DUSP13B: variants seen among roughly 807,000 people sequenced by gnomAD.
The protein encoded by DUSP13B is dual specificity phosphatase 13B.
At chr10:75,107,963 G>T in the DUSP13B span, 1 of 1,589,798 alleles carries the variant, frequency 6.3e-7, no homozygotes, top group East Asian at 2.3e-5. Flanking sequence ...TGAGCAAGAT[G>T]GGATATGGGC....
At chr10:75,101,893 G>C in the DUSP13B span, 1 of 1,367,240 alleles carries the variant, frequency 7.3e-7, no homozygotes, top group Non-Finnish European at 9.8e-7. Flanking sequence ...CCCAGGCTGT[G>C]CACTTCTCTG....
chr10:75,103,246 AC>A, the DUSP13B span, among the ~76,000 whole-genome samples: 1 of 152,212 alleles, frequency 6.6e-6, no homozygotes, highest in Non-Finnish European at 1.5e-5. Flanking sequence ...CAACAGCAGG[AC>A]CCAGGTCCGG....
the DUSP13B span, chr10:75,099,221 G>A: frequency 1.6e-6 from 2 of 1,232,238 alleles, no homozygotes; most frequent in Non-Finnish European, 2.0e-6. Flanking sequence ...CTGGACCAGT[G>A]ACTAGGGAAG....
the DUSP13B span, chr10:75,108,250 T>C: frequency 6.4e-7 from 1 of 1,560,552 alleles, no homozygotes; most frequent in Non-Finnish European, 8.7e-7. Context: ...GGCCAAGCCA[T>C]GGGACCAGGA....
chr10:75,107,328 C>T, the DUSP13B span, among the ~76,000 whole-genome samples: 2 of 149,130 alleles, frequency 1.3e-5, no homozygotes, highest in Non-Finnish European at 3.0e-5. Context: ...GCTTGGGTAG[C>T]ACTGAGACTC....
At chr10:75,107,064 G>A in the DUSP13B span, among the ~76,000 whole-genome samples, 2 of 152,136 alleles carry the variant, frequency 1.3e-5, no homozygotes, top group East Asian at 1.9e-4. Flanking sequence ...GGCCGGGTGC[G>A]GTGGCTCATG....
At chr10:75,096,021 G>A in the DUSP13B span, among the ~76,000 whole-genome samples, 2 of 152,232 alleles carry the variant, frequency 1.3e-5, no homozygotes, top group South Asian at 2.1e-4. Flanking sequence ...TTGGGAGACC[G>A]AGGTGGGCAG....
At chr10:75,106,891 C>T in the DUSP13B span, among the ~76,000 whole-genome samples, 1 of 152,230 alleles carries the variant, frequency 6.6e-6, no homozygotes, top group Admixed American at 6.5e-5. Flanking sequence ...GATGAGGAAA[C>T]TGAAGTCCAG....
At chr10:75,105,104 G>T in the DUSP13B span, among the ~76,000 whole-genome samples, 1 of 152,138 alleles carries the variant, frequency 6.6e-6, no homozygotes, top group Non-Finnish European at 1.5e-5. Flanking sequence ...GGCCCTGCTG[G>T]GTGGGGAGCC....
chr10:75,107,517 TCA>T, the DUSP13B span, among the ~76,000 whole-genome samples: 1 of 152,264 alleles, frequency 6.6e-6, no homozygotes, highest in African/African-American at 2.4e-5. Flanking sequence ...ATTCCAGGCC[TCA>T]GTTTCCCCAT....
At chr10:75,101,011 C>T in the DUSP13B span, among the ~76,000 whole-genome samples, 2 of 152,256 alleles carry the variant, frequency 1.3e-5, no homozygotes, top group South Asian at 2.1e-4. Context: ...TCTGACTCCA[C>T]TCCAGGGAGG....
chr10:75,107,514 G>T, the DUSP13B span, among the ~76,000 whole-genome samples: 1 of 152,160 alleles, frequency 6.6e-6, no homozygotes, highest in Non-Finnish European at 1.5e-5. Context: ...TGTATTCCAG[G>T]CCTCAGTTTC....
the DUSP13B span, chr10:75,097,562 T>C: frequency 1.4e-4 from 100 of 703,430 alleles, no homozygotes; most frequent in African/African-American, 1.6e-3. Context: ...GCAGTAATAA[T>C]ATAAAAGGAA....
At chr10:75,109,105 C>A in the DUSP13B span, 1 of 1,612,126 alleles carries the variant, frequency 6.2e-7, no homozygotes, top group Middle Eastern at 1.7e-4. Flanking sequence ...GATGCTGGGG[C>A]AAGGCGTGGC....
the DUSP13B span, among the ~76,000 whole-genome samples, chr10:75,105,093 A>T: frequency 6.6e-6 from 1 of 152,168 alleles, no homozygotes; most frequent in South Asian, 2.1e-4. Context: ...AGGTGGAGGC[A>T]GGCCCTGCTG....
the DUSP13B span, chr10:75,105,821 G>A: frequency 6.4e-7 from 1 of 1,550,824 alleles, no homozygotes; most frequent in Non-Finnish European, 8.7e-7. Context: ...GCCAGGACCA[G>A]CGTGGCAGAG....
At chr10:75,097,299 C>T in the DUSP13B span, among the ~76,000 whole-genome samples, 2 of 152,098 alleles carry the variant, frequency 1.3e-5, no homozygotes, top group Non-Finnish European at 2.9e-5. Context: ...ACCTCTGCCT[C>T]CTGGATTCAA....
the DUSP13B span, chr10:75,105,924 C>T: frequency 1.3e-6 from 2 of 1,506,356 alleles, no homozygotes; most frequent in Non-Finnish European, 1.8e-6. Flanking sequence ...CACCCACGGG[C>T]TGGGATGGGG....
the DUSP13B span, among the ~76,000 whole-genome samples, chr10:75,106,153 G>GCT: frequency 1.4e-5 from 2 of 146,738 alleles, no homozygotes; most frequent in African/African-American, 5.1e-5. Context: ...TGTTGCCCAG[G>GCT]CTGGTCTTGA....
Sources: allele counts gnomAD v4.1 joint callset (sites outside exome capture counted in the v4.1 genomes callset), GRCh38; gene constraint gnomAD v4.1.1; transcripts MANE v1.5; gene names NCBI Gene and HGNC (gene_info 2026-07-23, HGNC 2026-07-21).